CLMP: variants seen among roughly 807,000 people sequenced by gnomAD.
CLMP encodes CXADR-like membrane protein.
A neutral mutation model predicts 45.2 loss-of-function variants in CLMP; 27 were observed. The ratio of observed to expected loss-of-function variants is 0.60; its 90% CI spans 0.44 to 0.82. CLMP has a LOEUF of 0.82. CLMP is among the 40% of genes least tolerant of loss of function. The probability of loss-of-function intolerance (pLI) is 0.00; values close to 1 mark genes in which losing one functional copy is unlikely to be tolerated. For synonymous variants in CLMP, 167 were observed against 171.4 expected, an observed-to-expected ratio of 0.97 and a Z score of 0.20; for missense variants, 403 against 448.4, an observed-to-expected ratio of 0.90 and a Z score of 0.91.
chr11:123,181,425 T>C (rs895435075), intron 1 of CLMP, among the ~76,000 whole-genome samples: 2 of 152,228 alleles, frequency 1.3e-5, no homozygotes, highest in African/African-American at 4.8e-5. Context: ...TTTCGCCTCA[T>C]GGTAGATATT....
chr11:123,102,291 T>G (rs1039816321), intron 1 of CLMP, among the ~76,000 whole-genome samples: 94 of 148,810 alleles, frequency 6.3e-4, no homozygotes, highest in African/African-American at 2.3e-3. Flanking sequence ...TTTTTTTTTT[T>G]TTTTTTTTGA....
intron 1 of CLMP, among the ~76,000 whole-genome samples, chr11:123,127,460 T>C (rs1241072598): frequency 6.6e-6 from 1 of 152,160 alleles, no homozygotes; most frequent in Non-Finnish European, 1.5e-5. Context: ...ATATTAGTAA[T>C]TAAGACTTAT....
chr11:123,085,646 C>T (rs1251614509), intron 2 of CLMP, among the ~76,000 whole-genome samples: 2 of 147,732 alleles, frequency 1.4e-5, no homozygotes, highest in East Asian at 3.9e-4. Flanking sequence ...AATTTGCCCA[C>T]AAGGTGACTG....
At chr11:123,121,443 A>T (rs1188687313) in intron 1 of CLMP, among the ~76,000 whole-genome samples, 1 of 152,048 alleles carries the variant, frequency 6.6e-6, no homozygotes. Context: ...GACTACAGGC[A>T]TGTGCCACCA....
At chr11:123,106,914 G>A (rs998791004) in intron 1 of CLMP, among the ~76,000 whole-genome samples, 3 of 151,892 alleles carry the variant, frequency 2.0e-5, no homozygotes, top group Non-Finnish European at 4.4e-5. Flanking sequence ...CAGCTACTCG[G>A]GAGGCTGAGG....
chr11:123,078,832 G>GA (rs1000020312), intron 5 of CLMP, among the ~76,000 whole-genome samples: 5 of 152,100 alleles, frequency 3.3e-5, no homozygotes, highest in Non-Finnish European at 7.4e-5. Flanking sequence ...TTTTAGTAGA[G>GA]ATGGCGTTTC....
intron 2 of CLMP, among the ~76,000 whole-genome samples, chr11:123,092,608 T>G (rs1328819878): frequency 6.6e-6 from 1 of 150,990 alleles, no homozygotes; most frequent in Non-Finnish European, 1.5e-5. Context: ...ATTTTTCTTT[T>G]CTTTTTTGAG....
intron 1 of CLMP, among the ~76,000 whole-genome samples, chr11:123,128,239 GA>G (rs577733772): frequency 1.4e-3 from 175 of 124,210 alleles, no homozygotes; most frequent in Middle Eastern, 4.2e-3. Flanking sequence ...ATTAAAAAAA[GA>G]AAAAAAAAAA....
intron 1 of CLMP, among the ~76,000 whole-genome samples, chr11:123,144,788 T>C (rs1861214807): frequency 6.6e-6 from 1 of 152,234 alleles, no homozygotes; most frequent in Non-Finnish European, 1.5e-5. Flanking sequence ...ATATCTTCTA[T>C]CTTGCAGATT....
intron 1 of CLMP, among the ~76,000 whole-genome samples, chr11:123,106,759 G>C (rs1032848794): frequency 6.6e-6 from 1 of 151,958 alleles, no homozygotes; most frequent in African/African-American, 2.4e-5. Context: ...AGTGGCTCAC[G>C]CCTGTAATCC....
intron 4 of CLMP, 47 bp downstream of exon 4, chr11:123,083,633 A>T: frequency 1.3e-6 from 2 of 1,587,104 alleles, no homozygotes; most frequent in Non-Finnish European, 1.7e-6. Context: ...GCTCACGGAT[A>T]GAGGACTATT....
intron 1 of CLMP, among the ~76,000 whole-genome samples, chr11:123,139,864 A>T (rs1861130184): frequency 1.3e-5 from 2 of 151,982 alleles, no homozygotes; most frequent in African/African-American, 4.8e-5. Flanking sequence ...ATAAAATAAA[A>T]AATATAAAAT....
chr11:123,192,291 G>A (rs1290889714), intron 1 of CLMP, among the ~76,000 whole-genome samples: 8 of 152,174 alleles, frequency 5.3e-5, no homozygotes, highest in Non-Finnish European at 7.4e-5. Context: ...ACTACTAAAG[G>A]TTTTTGGAAG....
chr11:123,091,533 G>T (rs563342506), intron 2 of CLMP, among the ~76,000 whole-genome samples: 1 of 152,302 alleles, frequency 6.6e-6, no homozygotes, highest in Admixed American at 6.5e-5. Flanking sequence ...CCCAAGACAG[G>T]TCCTGGCACT....
chr11:123,105,709 T>C (rs755908728), intron 1 of CLMP, among the ~76,000 whole-genome samples: 3 of 151,880 alleles, frequency 2.0e-5, no homozygotes, highest in Non-Finnish European at 4.4e-5. Context: ...GGATTATAGG[T>C]GTGAGCCACT....
chr11:123,135,794 A>C (rs2135512407), intron 1 of CLMP: 1 of 328,068 alleles, frequency 3.0e-6, no homozygotes, highest in African/African-American at 2.2e-5. Flanking sequence ...CTGTGAATTC[A>C]GTATTTTCCA....
At chr11:123,099,690 CG>C (rs1255731934) in intron 1 of CLMP, among the ~76,000 whole-genome samples, 2 of 151,550 alleles carry the variant, frequency 1.3e-5, no homozygotes, top group Non-Finnish European at 2.9e-5. Flanking sequence ...ATGGGAGAGG[CG>C]GTGGGGGGCA....
chr11:123,146,835 G>A (rs1861245720), intron 1 of CLMP, among the ~76,000 whole-genome samples: 1 of 152,078 alleles, frequency 6.6e-6, no homozygotes, highest in South Asian at 2.1e-4. Context: ...GGCTTCCCTT[G>A]GAGGTCTCAC....
chr11:123,104,311 C>T (rs950857336), intron 1 of CLMP, among the ~76,000 whole-genome samples: 13 of 151,366 alleles, frequency 8.6e-5, no homozygotes, highest in African/African-American at 3.2e-4. Context: ...AAACTCCTGG[C>T]CTCAAGTGAT....
Sources: gnomAD v4.1 joint callset for allele counts (sites outside exome capture counted in the v4.1 genomes callset) on GRCh38, gnomAD v4.1.1 for gene constraint, MANE v1.5 for transcripts, NCBI Gene and HGNC (gene_info 2026-07-23, HGNC 2026-07-21) for gene names.